Variants in SERPINB2 observed in about 807,000 individuals in gnomAD.
The protein encoded by SERPINB2 is serpin family B member 2.
In SERPINB2, 28 loss-of-function variants were observed where a neutral mutation model predicts 39.4. That is an observed-to-expected ratio of 0.71 (90% CI 0.53 to 0.97). The LOEUF (loss-of-function observed/expected upper bound fraction) is 0.97. SERPINB2 is among the 50% of genes least tolerant of loss of function. SERPINB2 has a pLI of 0.00. For missense variants in SERPINB2, 557 were observed against 505.3 expected, an observed-to-expected ratio of 1.10 and a Z score of -0.98; for synonymous variants, 209 against 175.1, an observed-to-expected ratio of 1.19 and a Z score of -1.53.
rs774267638 is a variant in SERPINB2, at chr18:63,902,403, G to T, written c.679-1G>T. 6.4e-7 allele frequency: 1 copy of T among 1,553,686 alleles called. No individual in the cohort carries two copies. Among genetic ancestry groups the T allele is most frequent in the African/African-American group, 1.4e-5 (1 of 72,152 alleles). ...CATATTTTACCTTTTAATAATATTA[G>T]GCTCAGCGCACACCTGTACAGATGA... On this transcript the variant is annotated splice_acceptor_variant, in intron 6 of 7. Coordinates refer to ENST00000299502, the MANE Select transcript of SERPINB2 (RefSeq NM_002575.3). LOFTEE classifies it high-confidence loss of function.
chr18:63,899,202 T>C (rs982521664), intron 5 of SERPINB2, among the ~76,000 whole-genome samples: 5 of 152,208 alleles, frequency 3.3e-5, no homozygotes, highest in South Asian at 2.1e-4. Context: ...CCTGATCTTT[T>C]CTTCTTCTCA....
At chr18:63,893,037 A>T (rs1472500326) in intron 2 of SERPINB2, among the ~76,000 whole-genome samples, 1 of 151,952 alleles carries the variant, frequency 6.6e-6, no homozygotes, top group Admixed American at 6.6e-5. Flanking sequence ...GGTTCAAGCC[A>T]TTCTCCTGCC....
intron 4 of SERPINB2, 135 bp downstream of exon 4, chr18:63,897,354 C>G: frequency 9.9e-7 from 1 of 1,014,822 alleles, no homozygotes; most frequent in East Asian, 2.7e-5. Flanking sequence ...GCTGGCCTTG[C>G]GTAACAGCTG....
At chr18:63,899,090 T>C (rs1328490117) in intron 5 of SERPINB2, among the ~76,000 whole-genome samples, 1 of 152,202 alleles carries the variant, frequency 6.6e-6, no homozygotes, top group African/African-American at 2.4e-5. Context: ...CATTGCTGCC[T>C]CTAGACTTTG....
At position 63,895,241 on chromosome 18, in the gene SERPINB2, G is replaced by A. The variant is rs199718055; in HGVS notation, c.169-23G>A. ...AGTAAATCCGTGGGCAAGTGTAACC[G>A]TTTTCTCTAATTCTGATTGCAGGTG... is the stretch of plus-strand genomic sequence containing the variant. On this transcript the variant is annotated intron_variant, in intron 2 of 7. Transcript: ENST00000299502. 185 of 1,610,486 alleles carry A rather than the reference G, an allele frequency of 1.1e-4. 3 individuals are homozygous for A. The highest frequency in any genetic ancestry group is 7.6e-4 in the Admixed American group (45 of 59,160).
At position 63,893,814 on chromosome 18, in the gene SERPINB2, A is replaced by G. The variant is rs575430550; in HGVS notation, c.169-1450A>G. On this transcript the variant is annotated intron_variant, in intron 2 of 7. Transcript: ENST00000299502. The stretch of plus-strand genomic sequence containing the variant: ...GGCATCTTTCTAAGAACTTCTTATA[A>G]ATTTACTCACATAAGACAAAATATT... Among the ~76,000 whole-genome samples the G allele has an allele frequency of 3.9e-5, 6 of 152,318 alleles. No individual in the cohort carries two copies. In the East Asian group the frequency reaches 1.2e-3, roughly 29 times the overall value.
In SERPINB2 at chr18:63,903,535, A is replaced by G. The variant is rs1328161104; in HGVS notation, c.*230A>G. 1 of 326,410 alleles carries G rather than the reference A, an allele frequency of 3.1e-6. No individual in the cohort carries two copies. The highest frequency in any genetic ancestry group is 5.4e-6 in the Non-Finnish European group (1 of 183,810). The allele number at this position is 326,410 out of a possible 1,614,324, so 20.2% of individuals were successfully genotyped here. ...CTAAAATGGGATCATGCCCATTTAG[A>G]TTTTCCTTACTATCAGTTTATTTTT... is the stretch of plus-strand genomic sequence containing the variant. On this transcript the variant is annotated 3_prime_UTR_variant, in exon 8 of 8. Coordinates refer to ENST00000299502, the MANE Select transcript of SERPINB2 (RefSeq NM_002575.3).
intron 2 of SERPINB2, 22 bp downstream of exon 2, chr18:63,891,634 A>G (rs749969142): frequency 4.4e-6 from 7 of 1,605,224 alleles, no homozygotes; most frequent in South Asian, 3.3e-5. Context: ...CTGAAGCTCC[A>G]CATTTGGGCC....
rs768117102 is a variant in SERPINB2 at position 63,902,545 on chromosome 18, G to A, written c.820G>A (p.Asp274Asn). The change falls in exon 7 of 8, where the codon GAT (aspartate) becomes AAT (asparagine). Residue 274 changes from aspartate (D) to asparagine (N), a missense_variant. Asp to Asn is a conservative substitution (Grantham distance 23). Transcript: ENST00000299502. ...CTTGTTGCTTCCAGATGAAATTGCC[G>A]ATGTGTCCACTGGCTTGGAGCTGGT... ...MFLLLPDEIA[D>N]VSTGLELLES... is the part of the protein sequence containing the mutation. The A allele has an allele frequency of 1.2e-5, 20 of 1,613,070 alleles. No individual in the cohort carries two copies. Among genetic ancestry groups the A allele is most frequent in the African/African-American group, 2.7e-5 (2 of 74,864 alleles).
rs139893427 is a variant in SERPINB2, at chr18:63,903,168, G to A, written c.1111G>A (p.Ala371Thr). Residue 371 changes from alanine to threonine, a missense_variant, in exon 8 of 8, where the codon GCT becomes ACT. Physicochemically the swap from Ala to Thr is moderately conservative, Grantham distance 58. Coordinates refer to ENST00000299502, the MANE Select transcript of SERPINB2 (RefSeq NM_002575.3). ...GAATGAGGAGGGCACTGAAGCAGCCGCTGGCACAGGAGGTGTTATGACAGG... is the reference window on the plus strand; with the variant it reads ...GAATGAGGAGGGCACTGAAGCAGCCACTGGCACAGGAGGTGTTATGACAGG... ...DVNEEGTEAA[A>T]GTGGVMTGRT... 1,771 of 1,613,648 alleles carry A rather than the reference G, an allele frequency of 1.1e-3. 4 individuals are homozygous for A. Among genetic ancestry groups the A allele is most frequent in the Admixed American group, 3.6e-3 (214 of 59,966 alleles).
rs908765857 is a variant in SERPINB2 at position 63,887,745 on chromosome 18, T to C, written c.-35T>C. On this transcript the variant is annotated 5_prime_UTR_variant, in exon 1 of 8. Transcript: ENST00000299502. ...GGAGCATTGCCCGTCAGACAGCAAC[T>C]CAGAGAATAACCAGAGAACAACCAG... 41 of 152,172 alleles carry C rather than the reference T, an allele frequency of 2.7e-4. No homozygotes were observed. Among genetic ancestry groups the C allele is most frequent in the African/African-American group, 9.4e-4 (39 of 41,434 alleles). 9.4% of individuals were successfully genotyped at this position (152,172 alleles called of 1,614,324 possible). A position where few individuals can be genotyped will look rare whatever the true frequency, so the allele number is the denominator to read the frequency against.
rs771657947 is a variant in SERPINB2, at chr18:63,897,715, C to T, written c.418-12C>T. 1 of 1,503,780 alleles carries T rather than the reference C, an allele frequency of 6.6e-7. No individual in the cohort carries two copies. The highest frequency in any genetic ancestry group is 1.1e-5 in the South Asian group (1 of 88,640). The allele number at this position is 1,503,780 out of a possible 1,614,324, so 93.2% of individuals were successfully genotyped here. A position where few individuals can be genotyped will look rare whatever the true frequency, so the allele number is the denominator to read the frequency against. ...TATTTTATGTAGCCTTTGTCATTTT[C>T]TTGCTTTAAAGGAATATATTCGACT... On this transcript the variant is annotated splice_polypyrimidine_tract_variant and intron_variant, in intron 4 of 7. Coordinates refer to ENST00000299502, the MANE Select transcript of SERPINB2 (RefSeq NM_002575.3).
chr18:63,902,770 C>A (rs1393515685), intron 7 of SERPINB2, 131 bp from the exon 8 acceptor site: 1 of 1,153,680 alleles, frequency 8.7e-7, no homozygotes, highest in Non-Finnish European at 1.2e-6. Context: ...TCTGACCAAT[C>A]TGTTAACTTT....
In SERPINB2 at chr18:63,903,580, T is replaced by G. The variant is rs2050008725; in HGVS notation, c.*275T>G. The G allele has an allele frequency of 4.7e-6, 1 of 213,320 alleles. No homozygotes were observed. Among genetic ancestry groups the G allele is most frequent in the Non-Finnish European group, 9.1e-6 (1 of 109,598 alleles). 13.2% of individuals were successfully genotyped at this position (213,320 alleles called of 1,614,324 possible). On this transcript the variant is annotated 3_prime_UTR_variant, in exon 8 of 8. Coordinates refer to ENST00000299502, the MANE Select transcript of SERPINB2 (RefSeq NM_002575.3). ...ATTTTTATAACATTAACTTTTACTT[T>G]GTTATTTATTATTTTATATAATGGT... is the stretch of plus-strand genomic sequence containing the variant.
chr18:63,897,626 C>A, intron 4 of SERPINB2, 101 bp from the exon 5 acceptor site: 5 of 892,308 alleles, frequency 5.6e-6, no homozygotes, highest in East Asian at 2.4e-5. Flanking sequence ...CCACCCTACC[C>A]CAGGTCTCCT....
At chr18:63,888,045 A>T (rs1158241774) in intron 1 of SERPINB2, among the ~76,000 whole-genome samples, 1 of 152,236 alleles carries the variant, frequency 6.6e-6, no homozygotes, top group Non-Finnish European at 1.5e-5. Context: ...TTGTGATGCC[A>T]ATTTTATTGA....
At chr18:63,898,289 C>T (rs748540931) in intron 5 of SERPINB2, among the ~76,000 whole-genome samples, 2 of 152,174 alleles carry the variant, frequency 1.3e-5, no homozygotes, top group Non-Finnish European at 2.9e-5. Flanking sequence ...TTTCACCATT[C>T]AAAGCCAATC....
At chr18:63,898,309 GT>G (rs560123730) in intron 5 of SERPINB2, among the ~76,000 whole-genome samples, 5 of 152,118 alleles carry the variant, frequency 3.3e-5, no homozygotes, top group Non-Finnish European at 7.4e-5. Context: ...CCATTGTCAA[GT>G]TTTTTTGGTC....
At chr18:63,894,043 C>A (rs891042232) in intron 2 of SERPINB2, among the ~76,000 whole-genome samples, 2 of 152,140 alleles carry the variant, frequency 1.3e-5, no homozygotes, top group African/African-American at 4.8e-5. Flanking sequence ...AGTGAGGCAA[C>A]AGACCCATCC....
Sources: gnomAD v4.1 joint callset for allele counts (sites outside exome capture counted in the v4.1 genomes callset) on GRCh38, gnomAD v4.1.1 for gene constraint, MANE v1.5 for transcripts, NCBI Gene and HGNC (gene_info 2026-07-23, HGNC 2026-07-21) for gene names.